CHSY3: variants seen among roughly 807,000 people sequenced by gnomAD.
CHSY3 encodes the protein chondroitin sulfate synthase 3, also known as N-acetylgalactosaminyl-proteoglycan 3-beta-glucuronosyltransferase 3.
CHSY3 carries 35 observed loss-of-function variants against 67.2 expected under a neutral mutation model. That is an observed-to-expected ratio of 0.52 (90% confidence interval 0.40 to 0.69). CHSY3 has a LOEUF of 0.69. Among genes scored for constraint, CHSY3 ranks in the 30% least tolerant of loss-of-function variants. The probability of loss-of-function intolerance (pLI) is 0.00; values close to 1 mark genes in which losing one functional copy is unlikely to be tolerated. For missense variants in CHSY3, 1,069 were observed against 1,138.5 expected, an observed-to-expected ratio of 0.94 and a Z score of 0.88; for synonymous variants, 474 against 434.7, an observed-to-expected ratio of 1.09 and a Z score of -1.12.
At chr5:129,913,465 G>T (rs1026710951) in intron 2 of CHSY3, among the ~76,000 whole-genome samples, 1 of 152,076 alleles carries the variant, frequency 6.6e-6, no homozygotes, top group African/African-American at 2.4e-5. Flanking sequence ...TTTTATTATA[G>T]ATATGTTTTT....
At chr5:130,161,297 G>T (rs912365213) in intron 2 of CHSY3, among the ~76,000 whole-genome samples, 44 of 152,130 alleles carry the variant, frequency 2.9e-4, no homozygotes, top group Non-Finnish European at 5.4e-4. Flanking sequence ...CTTCTGGAAT[G>T]TGTAGTGCTC....
At chr5:129,911,461 C>T (rs76903655) in intron 2 of CHSY3, among the ~76,000 whole-genome samples, 2 of 152,102 alleles carry the variant, frequency 1.3e-5, no homozygotes, top group East Asian at 1.9e-4. Flanking sequence ...TTATCTCATA[C>T]ATTTCAGGAA....
intron 2 of CHSY3, chr5:130,140,948 C>T: frequency 1.2e-6 from 1 of 864,860 alleles, no homozygotes; most frequent in Non-Finnish European, 1.4e-6. Context: ...GAATGCTTAC[C>T]TGTTCCATGG....
chr5:129,936,932 A>T lies in CHSY3; in HGVS notation c.1086+28572A>T, dbSNP rs369216206. On this transcript the variant is annotated intron_variant, in intron 2 of 2. Transcript: ENST00000305031. ...TCTGGAATGCTCTCCTGCTCCATTT[A>T]TATAGACTTTCCTTCAAGGGGTATC... Among the ~76,000 whole-genome samples, 20 of 151,972 alleles carry T rather than the reference A, an allele frequency of 1.3e-4. 1 individual carries two copies. The East Asian group carries it at 1.9e-3, about 15-fold the overall frequency.
At chr5:130,082,975 C>G (rs752796176) in intron 2 of CHSY3, among the ~76,000 whole-genome samples, 5 of 151,654 alleles carry the variant, frequency 3.3e-5, no homozygotes, top group Non-Finnish European at 7.4e-5. Flanking sequence ...TATAAAAAAT[C>G]TCACATCCTG....
intron 2 of CHSY3, among the ~76,000 whole-genome samples, chr5:129,959,534 T>A (rs570002306): frequency 6.6e-6 from 1 of 152,278 alleles, no homozygotes; most frequent in East Asian, 1.9e-4. Flanking sequence ...TGTAAAACTA[T>A]AAGACGTTAA....
At chr5:130,062,858 C>A (rs1286844563) in intron 2 of CHSY3, among the ~76,000 whole-genome samples, 1 of 151,880 alleles carries the variant, frequency 6.6e-6, no homozygotes, top group Non-Finnish European at 1.5e-5. Context: ...TATTAACTCA[C>A]AATTTTTTAA....
At chr5:130,140,766 A>G in intron 2 of CHSY3, 1 of 237,808 alleles carries the variant, frequency 4.2e-6, no homozygotes, top group East Asian at 1.3e-4. Flanking sequence ...CACAAGCACA[A>G]GCACAAGAAG....
At chr5:129,982,891 A>G (rs1763062895) in intron 2 of CHSY3, among the ~76,000 whole-genome samples, 1 of 152,126 alleles carries the variant, frequency 6.6e-6, no homozygotes. Flanking sequence ...TTTAAGAGTT[A>G]CATAAGCGAA....
intron 2 of CHSY3, among the ~76,000 whole-genome samples, chr5:130,127,218 TTAGCCTTTCTTTC>T (rs1227492773): frequency 1.3e-5 from 2 of 152,172 alleles, no homozygotes; most frequent in African/African-American, 4.8e-5. Context: ...CATCATAGAC[TTAGCCTTTCTTTC>T]TCAATCTCAA....
At chr5:129,967,122 A>G (rs1035492447) in intron 2 of CHSY3, among the ~76,000 whole-genome samples, 1 of 151,846 alleles carries the variant, frequency 6.6e-6, no homozygotes, top group African/African-American at 2.4e-5. Context: ...AACTGGCTTC[A>G]GTATCTTCAT....
chr5:130,007,253 A>C (rs1411402285), intron 2 of CHSY3, among the ~76,000 whole-genome samples: 1 of 152,172 alleles, frequency 6.6e-6, no homozygotes, highest in Admixed American at 6.5e-5. Flanking sequence ...GTGAATTATA[A>C]AAAGTTTTAA....
At position 129,991,678 on chromosome 5, in the gene CHSY3, G is replaced by A. The variant is rs182250958; in HGVS notation, c.1086+83318G>A. 1.3e-3 allele frequency among the ~76,000 whole-genome samples: 192 copies of A among 152,206 alleles called. 2 individuals are homozygous for A. Among genetic ancestry groups the A allele is most frequent in the South Asian group, 5.2e-3 (25 of 4,816 alleles). Reference sequence around the variant, plus strand: ...TAATGTAACTGGCAAGCAGCCATGGGTAGTGCCTTAATAGCAGCATAGGCA... The same window carrying A: ...TAATGTAACTGGCAAGCAGCCATGGATAGTGCCTTAATAGCAGCATAGGCA... On this transcript the variant is annotated intron_variant, in intron 2 of 2. Coordinates refer to ENST00000305031, the MANE Select transcript of CHSY3 (RefSeq NM_175856.5).
chr5:130,124,611 A>C (rs575411900), intron 2 of CHSY3, among the ~76,000 whole-genome samples: 2 of 152,066 alleles, frequency 1.3e-5, no homozygotes, highest in African/African-American at 4.8e-5. Context: ...GCCCACCACC[A>C]CACTTGGTTA....
At chr5:130,143,616 C>T (rs1416225624) in intron 2 of CHSY3, among the ~76,000 whole-genome samples, 1 of 150,406 alleles carries the variant, frequency 6.6e-6, no homozygotes, top group African/African-American at 2.5e-5. Context: ...CTATTGCATA[C>T]TATCACTACT....
Position 130,184,861 on chromosome 5 carries a change from A to G in CHSY3, c.1719A>G (p.Arg573=). The G allele has an allele frequency of 6.3e-7, 1 of 1,595,892 alleles. No homozygotes were observed. The highest frequency in any genetic ancestry group is 8.6e-7 in the Non-Finnish European group (1 of 1,163,336). Reference sequence around the variant, plus strand: ...AGTTGTTCAGCAAGCCTTTCTTCAGAGAGACCGAAGAGCTAGATGTCAACA... The same window carrying G: ...AGTTGTTCAGCAAGCCTTTCTTCAGGGAGACCGAAGAGCTAGATGTCAACA... The part of the protein sequence containing the change: ...LQQLFSKPFF[R]ETEELDVNSL... The change falls in exon 3 of 3, where the codon AGA becomes AGG. Residue 573 remains arginine (R), a synonymous_variant. Coordinates refer to ENST00000305031, the MANE Select transcript of CHSY3 (RefSeq NM_175856.5).
chr5:130,177,780 C>G (rs1770100904), intron 2 of CHSY3, among the ~76,000 whole-genome samples: 1 of 152,044 alleles, frequency 6.6e-6, no homozygotes, highest in Non-Finnish European at 1.5e-5. Flanking sequence ...TTTGGAAACT[C>G]AAGCCCTTCA....
chr5:130,154,547 C>T (rs1000237492), intron 2 of CHSY3, among the ~76,000 whole-genome samples: 2 of 152,096 alleles, frequency 1.3e-5, no homozygotes, highest in Non-Finnish European at 2.9e-5. Flanking sequence ...ATCCATCCAG[C>T]GTTGTGATTA....
chr5:130,184,122 C>A, intron 2 of CHSY3, 107 bp from the exon 3 acceptor site: 1 of 1,068,402 alleles, frequency 9.4e-7, no homozygotes, highest in South Asian at 4.2e-5. Context: ...AAATACCATA[C>A]CAAAAATGTA....
Sources: gnomAD v4.1 joint callset for allele counts (sites outside exome capture counted in the v4.1 genomes callset) on GRCh38, gnomAD v4.1.1 for gene constraint, MANE v1.5 for transcripts, NCBI Gene and HGNC (gene_info 2026-07-23, HGNC 2026-07-21) for gene names.